PLXNA2: variants seen among roughly 807,000 people sequenced by gnomAD.
The protein encoded by PLXNA2 is plexin-A2.
A neutral mutation model predicts 193.5 loss-of-function variants in PLXNA2; 91 were observed. The observed-to-expected ratio is 0.47, with a 90% CI of 0.40 to 0.56. The LOEUF is 0.56. Ranked by LOEUF, PLXNA2 falls within the 20% of genes least tolerant of loss-of-function variation. The pLI is 0.00. For missense variants in PLXNA2, 1,995 were observed against 2,503.2 expected (o/e 0.80, Z 4.33); for synonymous variants, 997 against 1,027.3 (o/e 0.97, Z 0.56).
rs534366188 is a variant in PLXNA2, at chr1:208,125,596, G to T, written c.1506+16733C>A. Reference sequence around the variant, plus strand: ...TACATTTGCATGTTGAATTCCAGAAGCCCAATTCGAAGCATATTAGATAAA... The same window carrying T: ...TACATTTGCATGTTGAATTCCAGAATCCCAATTCGAAGCATATTAGATAAA... On this transcript the variant is annotated intron_variant, in intron 4 of 31. Transcript: ENST00000367033. Among the ~76,000 whole-genome samples, 158 of 152,290 alleles carry T rather than the reference G, an allele frequency of 1.0e-3. 5 individuals carry two copies. In the South Asian group the frequency reaches 0.032, roughly 30 times the overall value.
intron 2 of PLXNA2, among the ~76,000 whole-genome samples, chr1:208,215,116 C>G (rs1473236900): frequency 1.3e-5 from 2 of 152,108 alleles, no homozygotes; most frequent in Non-Finnish European, 2.9e-5. Flanking sequence ...ATGCTCAGGC[C>G]TCCAGAGTAG....
At chr1:208,066,858 G>A (rs568633646) in intron 12 of PLXNA2, among the ~76,000 whole-genome samples, 1 of 152,282 alleles carries the variant, frequency 6.6e-6, no homozygotes, top group African/African-American at 2.4e-5. Context: ...GCTGATGTGT[G>A]TCTTTGTGTC....
chr1:208,103,214 A>G lies in PLXNA2; in HGVS notation c.1540T>C (p.Tyr514His). ...CTCAGGCACTCCCCACAAGTCGTAT[A>G]CTGCTCACATGACTCCACGGGGACC... ...TRVPVESCEQ[Y>H]TTCGECLSSG... is the part of the protein sequence containing the mutation. The change falls in exon 5 of 32, where the codon TAT becomes CAT. Residue 514 changes from tyrosine (Y) to histidine (H), a missense_variant. Tyr to His is a moderately conservative substitution (Grantham distance 83, BLOSUM62 2). Around this residue, in one of 3 missense-constraint regions of PLXNA2, gnomAD observed 702 missense variants for 812.9 expected, o/e 0.86. Coordinates refer to ENST00000367033, the MANE Select transcript of PLXNA2 (RefSeq NM_025179.4). The G allele has an allele frequency of 1.2e-6, 2 of 1,614,116 alleles. No individual in the cohort carries two copies. The highest frequency in any genetic ancestry group is 1.1e-5 in the South Asian group (1 of 91,070).
At chr1:208,033,285 A>G in intron 28 of PLXNA2, 34 bp downstream of exon 28, 1 of 1,576,546 alleles carries the variant, frequency 6.3e-7, no homozygotes. Context: ...CTCCTTTAAC[A>G]AGCACTCCCT....
chr1:208,241,685 T>C (rs1558262788), intron 1 of PLXNA2, among the ~76,000 whole-genome samples: 1 of 152,218 alleles, frequency 6.6e-6, no homozygotes, highest in African/African-American at 2.4e-5. Context: ...GCCCCCATCC[T>C]AATGCAATTT....
At chr1:208,228,513 G>T (rs1671586110) in intron 1 of PLXNA2, among the ~76,000 whole-genome samples, 1 of 152,148 alleles carries the variant, frequency 6.6e-6, no homozygotes, top group African/African-American at 2.4e-5. Context: ...TGCAAGTTGT[G>T]CCTTGTGCTG....
intron 8 of PLXNA2, among the ~76,000 whole-genome samples, chr1:208,093,870 C>T (rs1363762551): frequency 6.6e-6 from 1 of 152,214 alleles, no homozygotes; most frequent in Admixed American, 6.5e-5. Flanking sequence ...CTCCTCCTCG[C>T]AGCCCCCTTA....
At chr1:208,179,339 T>G (rs1281705085) in intron 3 of PLXNA2, among the ~76,000 whole-genome samples, 1 of 152,186 alleles carries the variant, frequency 6.6e-6, no homozygotes, top group Non-Finnish European at 1.5e-5. Context: ...GCAGCTTTGG[T>G]GCATTTGCTT....
chr1:208,035,231 T>C (rs765516738), intron 26 of PLXNA2, among the ~76,000 whole-genome samples: 5 of 152,194 alleles, frequency 3.3e-5, no homozygotes, highest in Non-Finnish European at 5.9e-5. Flanking sequence ...GGTCACATAA[T>C]TCATACATGG....
At chr1:208,148,342 G>A (rs969564422) in intron 3 of PLXNA2, among the ~76,000 whole-genome samples, 1 of 152,094 alleles carries the variant, frequency 6.6e-6, no homozygotes, top group African/African-American at 2.4e-5. Context: ...GGGTTTCTTA[G>A]TAGCAAAGAG....
At chr1:208,164,047 G>A (rs4844649) in intron 3 of PLXNA2, among the ~76,000 whole-genome samples, 28,143 of 152,224 alleles carry the variant, frequency 0.18, 3,509 homozygotes, top group East Asian at 0.55. Context: ...ACACTTGTGG[G>A]TTCTGACGCT....
rs1666211673 is a variant in PLXNA2 at position 208,077,904 on chromosome 1, C to A, written c.2586+1356G>T. ...AATGAGGGCCTGGATGCAGTAAGAG[C>A]TCTCCCACCGACAGCCCTGCATTGT... On this transcript the variant is annotated intron_variant, in intron 12 of 31. Coordinates refer to ENST00000367033, the MANE Select transcript of PLXNA2 (RefSeq NM_025179.4). 2.0e-5 allele frequency among the ~76,000 whole-genome samples: 3 copies of A among 152,058 alleles called. No homozygotes were observed. In the South Asian group the frequency reaches 6.3e-4, roughly 32 times the overall value.
At position 208,022,271 on chromosome 1, in the gene PLXNA2, T is replaced by G. The variant is rs1024607253; in HGVS notation, c.*4972A>C. On this transcript the variant is annotated 3_prime_UTR_variant, in exon 32 of 32. Transcript: ENST00000367033. ...TTTAAAGATTTAAGGTTTTTTTAAT[T>G]CAGTAAACTTTATTTATATATAACA... The G allele has an allele frequency of 1.3e-5, 2 of 152,510 alleles. No homozygotes were observed. Among genetic ancestry groups the G allele is most frequent in the Non-Finnish European group, 2.9e-5 (2 of 68,032 alleles). The allele number at this position is 152,510 out of a possible 1,614,324, so 9.4% of individuals were successfully genotyped here.
At chr1:208,054,612 A>ATTTGCCATGAC in intron 13 of PLXNA2, 74 bp from the exon 14 acceptor site, 4 of 1,000,730 alleles carry the variant, frequency 4.0e-6, no homozygotes, top group Non-Finnish European at 4.8e-6. Context: ...TCTCCCAGTC[A>ATTTGCCATGAC]TGGCAAATGA....
intron 4 of PLXNA2, among the ~76,000 whole-genome samples, chr1:208,120,800 C>A (rs1667784415): frequency 6.6e-6 from 1 of 152,092 alleles, no homozygotes; most frequent in Non-Finnish European, 1.5e-5. Context: ...ATTGTGGGCC[C>A]TCTTATAATG....
intron 4 of PLXNA2, among the ~76,000 whole-genome samples, chr1:208,108,630 T>C (rs1667353840): frequency 6.6e-6 from 1 of 152,190 alleles, no homozygotes; most frequent in Admixed American, 6.5e-5. Context: ...ATTCTGACAG[T>C]GGATCATGCC....
intron 4 of PLXNA2, among the ~76,000 whole-genome samples, chr1:208,107,101 G>T (rs1258552872): frequency 6.6e-6 from 1 of 152,208 alleles, no homozygotes; most frequent in Non-Finnish European, 1.5e-5. Context: ...CCATGAGGCA[G>T]GTCTGGGGCC....
chr1:208,022,672 T>C lies in PLXNA2; in HGVS notation c.*4571A>G, dbSNP rs1020771220. 6.6e-6 allele frequency: 1 copy of C among 152,614 alleles called. No homozygotes were observed. 9.5% of individuals were successfully genotyped at this position (152,614 alleles called of 1,614,324 possible). The stretch of plus-strand genomic sequence containing the variant: ...GAGTATTTCCATTCTGCCTGCCACC[T>C]TCCATGCCAAGATGAAGGCCAAATA... On this transcript the variant is annotated 3_prime_UTR_variant, in exon 32 of 32. Transcript: ENST00000367033.
At chr1:208,119,100 G>C (rs1378997317) in intron 4 of PLXNA2, among the ~76,000 whole-genome samples, 1 of 152,180 alleles carries the variant, frequency 6.6e-6, no homozygotes, top group East Asian at 1.9e-4. Context: ...AGGGCATGTG[G>C]GGATGGGGCA....
Sources: allele counts gnomAD v4.1 joint callset (sites outside exome capture counted in the v4.1 genomes callset), GRCh38; gene constraint gnomAD v4.1.1; regional missense constraint gnomAD v4.1.1; transcripts MANE v1.5; gene names NCBI Gene and HGNC (gene_info 2026-07-23, HGNC 2026-07-21).